Variants in AMPH observed in about 807,000 individuals in gnomAD.
AMPH encodes amphiphysin (Stiff-Mann syndrome with breast cancer 128kD autoantigen).
A neutral mutation model predicts 99.1 loss-of-function variants in AMPH; 49 were observed. The ratio of observed to expected loss-of-function variants is 0.49; its 90% CI spans 0.39 to 0.63. The LOEUF (loss-of-function observed/expected upper bound fraction) is 0.63, where lower values mean the gene tolerates loss of function less well. Ranked by LOEUF, AMPH falls within the 20% of genes least tolerant of loss-of-function variation. AMPH has a pLI of 0.00. For missense variants in AMPH, 759 were observed against 863.4 expected (o/e 0.88, Z 1.52); for synonymous variants, 314 against 317.3 (o/e 0.99, Z 0.11).
At chr7:38,400,961 ATAAT>A (rs1022156255) in intron 17 of AMPH, among the ~76,000 whole-genome samples, 1 of 152,236 alleles carries the variant, frequency 6.6e-6, no homozygotes, top group African/African-American at 2.4e-5. Flanking sequence ...AATAAAAGAA[ATAAT>A]TTATGGTAAC....
At chr7:38,429,635 C>T (rs1232431945) in intron 14 of AMPH, 1 of 1,422,146 alleles carries the variant, frequency 7.0e-7, no homozygotes, top group African/African-American at 1.4e-5. Flanking sequence ...TGAAACAGAA[C>T]ATGGTAAGAT....
chr7:38,462,985 G>A lies in AMPH; in HGVS notation c.878C>T (p.Ser293Leu), dbSNP rs1233049719. 1.3e-6 allele frequency: 2 copies of A among 1,577,440 alleles called. No individual in the cohort carries two copies. Among genetic ancestry groups the A allele is most frequent in the Non-Finnish European group, 1.7e-6 (2 of 1,162,556 alleles). The change falls in exon 10 of 21, where the codon TCA becomes TTA. Residue 293 changes from serine (S) to leucine (L), a missense_variant. This residue lies in a region of AMPH where 554 missense variants were observed against 575.6 expected (regional missense o/e 0.96). Transcript: ENST00000356264. The stretch of plus-strand genomic sequence containing the variant: ...TTGACCTCTTCCTACCTGTGAAGGT[G>A]ACCGAGGCCGTGCTGGTGCGGGAGA... ...PASPAPARPR[S>L]PSQTRKGPPV...
At position 38,457,712 on chromosome 7, in the gene AMPH, T is replaced by G. The variant is rs1465952286; in HGVS notation, c.1017+3571A>C. ...CAGATATAAGAAGCCCAAATATCCT[T>G]AAACAGATACAATGCAAAAAGGTCT... On this transcript the variant is annotated intron_variant, in intron 11 of 20. Transcript: ENST00000356264. 4.6e-5 allele frequency among the ~76,000 whole-genome samples: 7 copies of G among 152,194 alleles called. No homozygotes were observed. The South Asian group carries it at 8.3e-4, about 18-fold the overall frequency.
rs569766509 is a variant in AMPH, at chr7:38,510,103, A to G, written c.151-6399T>C. On this transcript the variant is annotated intron_variant, in intron 2 of 20. Transcript: ENST00000356264. ...GGGCTGCCACAACACAAAACCACAGACCAAGTGGCTTTCTCACAGTTCTGG... is the reference window on the plus strand; with the variant it reads ...GGGCTGCCACAACACAAAACCACAGGCCAAGTGGCTTTCTCACAGTTCTGG... Among the ~76,000 whole-genome samples, 5 of 152,300 alleles carry G rather than the reference A, an allele frequency of 3.3e-5. No individual in the cohort carries two copies. In the East Asian group the frequency reaches 9.6e-4, roughly 29 times the overall value.
At chr7:38,388,257 T>G (rs537021659) in intron 20 of AMPH, among the ~76,000 whole-genome samples, 3 of 152,212 alleles carry the variant, frequency 2.0e-5, no homozygotes, top group Admixed American at 2.0e-4. Flanking sequence ...TTCTGGTTAA[T>G]GCAGACAAAA....
At chr7:38,474,671 T>A (rs1342401877) in intron 7 of AMPH, among the ~76,000 whole-genome samples, 1 of 152,122 alleles carries the variant, frequency 6.6e-6, no homozygotes, top group Non-Finnish European at 1.5e-5. Flanking sequence ...GGTGGGAGCA[T>A]GAGGATGCTG....
At chr7:38,404,096 T>C (rs753110024) in intron 17 of AMPH, among the ~76,000 whole-genome samples, 1 of 152,016 alleles carries the variant, frequency 6.6e-6, no homozygotes, top group Admixed American at 6.6e-5. Flanking sequence ...CAGACCTCAG[T>C]CACACTGCAG....
chr7:38,613,207 T>C (rs1793746356), intron 1 of AMPH, among the ~76,000 whole-genome samples: 1 of 152,206 alleles, frequency 6.6e-6, no homozygotes, highest in Admixed American at 6.5e-5. Flanking sequence ...TGCTTCCAAA[T>C]AAATTGTACC....
At chr7:38,487,147 A>G (rs543625080) in intron 5 of AMPH, among the ~76,000 whole-genome samples, 2 of 152,246 alleles carry the variant, frequency 1.3e-5, no homozygotes, top group Non-Finnish European at 2.9e-5. Flanking sequence ...GAGGTTCTAC[A>G]TGGAAAACCC....
intron 1 of AMPH, among the ~76,000 whole-genome samples, chr7:38,576,153 G>A (rs143500828): frequency 5.3e-5 from 8 of 152,106 alleles, no homozygotes; most frequent in African/African-American, 1.7e-4. Context: ...AAACACCTTC[G>A]CAACATGCCT....
chr7:38,474,047 T>C (rs1277135393), intron 7 of AMPH, among the ~76,000 whole-genome samples: 1 of 151,326 alleles, frequency 6.6e-6, no homozygotes, highest in Non-Finnish European at 1.5e-5. Flanking sequence ...AAGAAAGAAA[T>C]GTAAGGGCAA....
In AMPH at chr7:38,465,498, C is replaced by T. The variant is rs751664082; in HGVS notation, c.718G>A (p.Asp240Asn). Residue 240 changes from aspartate (D) to asparagine (N), a missense_variant, in exon 9 of 21, where the codon GAC becomes AAC. This residue lies in a region of AMPH where 554 missense variants were observed against 575.6 expected (regional missense o/e 0.96). Coordinates refer to ENST00000356264, the MANE Select transcript of AMPH (RefSeq NM_001635.4). ...VMTKLGDQHA[D>N]KAFTIQGAPS... ...GCTCCTTGGATGGTGAAGGCCTTGTCGGCGTGCTGGTCACCCAGTTTTGTC... is the reference window on the plus strand; with the variant it reads ...GCTCCTTGGATGGTGAAGGCCTTGTTGGCGTGCTGGTCACCCAGTTTTGTC... The T allele has an allele frequency of 8.2e-6, 13 of 1,584,386 alleles. No individual in the cohort carries two copies. The highest frequency in any genetic ancestry group is 1.2e-5 in the South Asian group (1 of 86,694).
chr7:38,590,075 C>T (rs537522198), intron 1 of AMPH, among the ~76,000 whole-genome samples: 1 of 152,240 alleles, frequency 6.6e-6, no homozygotes, highest in Admixed American at 6.5e-5. Flanking sequence ...TCTTCCAGCT[C>T]CCAAGATGAG....
intron 1 of AMPH, among the ~76,000 whole-genome samples, chr7:38,578,943 CTG>C (rs1792346685): frequency 6.6e-6 from 1 of 152,194 alleles, no homozygotes; most frequent in African/African-American, 2.4e-5. Context: ...TGCTTTGAAT[CTG>C]TTGAGATATT....
intron 1 of AMPH, among the ~76,000 whole-genome samples, chr7:38,595,725 C>T (rs1584286170): frequency 6.6e-6 from 1 of 152,198 alleles, no homozygotes; most frequent in African/African-American, 2.4e-5. Context: ...CTCCTACCCC[C>T]ACCTCTAGTA....
intron 1 of AMPH, among the ~76,000 whole-genome samples, chr7:38,603,467 C>G (rs995835992): frequency 1.3e-5 from 2 of 152,150 alleles, no homozygotes; most frequent in African/African-American, 4.8e-5. Flanking sequence ...AAATGCTTTT[C>G]TATTCTCTCA....
rs1461158520 is a variant in AMPH at position 38,537,050 on chromosome 7, C to A, written c.70-2039G>T. 2.6e-5 allele frequency among the ~76,000 whole-genome samples: 4 copies of A among 152,016 alleles called. No homozygotes were observed. The East Asian group carries it at 7.7e-4, about 29-fold the overall frequency. On this transcript the variant is annotated intron_variant, in intron 1 of 20. Coordinates refer to ENST00000356264, the MANE Select transcript of AMPH (RefSeq NM_001635.4). ...CAATGGTTAAAGTAACAAGAAAATT[C>A]ATTAACATAAATACGCAAGAGTTTA...
intron 16 of AMPH, among the ~76,000 whole-genome samples, chr7:38,418,303 CAGAGACAGAGAGAGAGAG>C (rs1164463455): frequency 2.0e-5 from 3 of 151,662 alleles, no homozygotes; most frequent in African/African-American, 7.3e-5. Context: ...GAGAGAGAGA[CAGAGACAGAGAGAGAGAG>C]AGAGACAGAG....
At chr7:38,515,691 A>G (rs1789712559) in intron 2 of AMPH, among the ~76,000 whole-genome samples, 1 of 152,210 alleles carries the variant, frequency 6.6e-6, no homozygotes, top group African/African-American at 2.4e-5. Context: ...GGAACTGGGT[A>G]TTGGGTAGAG....
Sources: gnomAD v4.1 joint callset for allele counts (sites outside exome capture counted in the v4.1 genomes callset) on GRCh38, gnomAD v4.1.1 for gene constraint, gnomAD v4.1.1 regional missense constraint, MANE v1.5 for transcripts, NCBI Gene and HGNC (gene_info 2026-07-23, HGNC 2026-07-21) for gene names.